Variants in NRG3 observed in about 807,000 individuals in gnomAD.
NRG3 encodes pro-neuregulin-3, membrane-bound isoform.
In NRG3, 31 loss-of-function variants were observed where a neutral mutation model predicts 66.9. The observed-to-expected ratio is 0.46, with a 90% CI of 0.35 to 0.63. The LOEUF is 0.63. Ranked by LOEUF, NRG3 falls within the 20% of genes least tolerant of loss-of-function variation. The probability of loss-of-function intolerance (pLI) is 0.00; values close to 1 mark genes in which losing one functional copy is unlikely to be tolerated. For synonymous variants in NRG3, 393 were observed against 359.4 expected (o/e 1.09, Z -1.06); for missense variants, 910 against 878.9 (o/e 1.04, Z -0.45).
At chr10:82,822,546 A>C (rs2061998215) in intron 3 of NRG3, among the ~76,000 whole-genome samples, 1 of 152,158 alleles carries the variant, frequency 6.6e-6, no homozygotes, top group South Asian at 2.1e-4. Context: ...AGGTGATTGC[A>C]GGTGTGATTT....
chr10:82,675,485 A>C lies in NRG3; in HGVS notation c.954-63092A>C, dbSNP rs539729807. Among the ~76,000 whole-genome samples the C allele has an allele frequency of 3.3e-5, 5 of 152,328 alleles. No individual in the cohort carries two copies. The South Asian group carries it at 1.0e-3, about 32-fold the overall frequency. On this transcript the variant is annotated intron_variant, in intron 2 of 8. Transcript: ENST00000372141. ...TTTCAAAAGGCCAATCTTAGGTTCAATAATAGTGATGCTGTCCACAGGGGT... is the reference window on the plus strand; with the variant it reads ...TTTCAAAAGGCCAATCTTAGGTTCACTAATAGTGATGCTGTCCACAGGGGT...
chr10:82,841,801 A>T (rs993087464), intron 3 of NRG3, among the ~76,000 whole-genome samples: 3 of 152,214 alleles, frequency 2.0e-5, no homozygotes, highest in Admixed American at 1.3e-4. Flanking sequence ...AGTGAAGTTG[A>T]CATATAAAGG....
At chr10:82,506,507 C>A (rs1844696243) in intron 2 of NRG3, among the ~76,000 whole-genome samples, 1 of 151,960 alleles carries the variant, frequency 6.6e-6, no homozygotes, top group African/African-American at 2.4e-5. Flanking sequence ...TTTCCTCTAT[C>A]TGCTTGGAAT....
chr10:82,593,082 T>C (rs2047075629), intron 2 of NRG3, among the ~76,000 whole-genome samples: 1 of 152,236 alleles, frequency 6.6e-6, no homozygotes, highest in Admixed American at 6.5e-5. Flanking sequence ...TTATTTGAAT[T>C]CTGCTACCAG....
chr10:82,113,336 C>T lies in NRG3; in HGVS notation c.823+237173C>T, dbSNP rs538960411. The stretch of plus-strand genomic sequence containing the variant: ...TGATGCCAGCCGTTGTCCTATGGTC[C>T]CAGAGCCCCCGCTCCTGATCACTAT... On this transcript the variant is annotated intron_variant, in intron 1 of 8. Transcript: ENST00000372141. Among the ~76,000 whole-genome samples, 6 of 152,198 alleles carry T rather than the reference C, an allele frequency of 3.9e-5. No homozygotes were observed. In the South Asian group the frequency reaches 1.2e-3, roughly 32 times the overall value.
At chr10:82,655,556 C>G (rs985919984) in intron 2 of NRG3, among the ~76,000 whole-genome samples, 5 of 152,136 alleles carry the variant, frequency 3.3e-5, no homozygotes, top group African/African-American at 1.2e-4. Context: ...CTCCTCTACT[C>G]TGGGAAAGGG....
chr10:82,605,548 T>C (rs2047917753), intron 2 of NRG3, among the ~76,000 whole-genome samples: 1 of 152,066 alleles, frequency 6.6e-6, no homozygotes, highest in South Asian at 2.1e-4. Context: ...TTTCATAATG[T>C]CTTTATTGTG....
At chr10:82,630,541 G>C (rs897599175) in intron 2 of NRG3, among the ~76,000 whole-genome samples, 1 of 151,950 alleles carries the variant, frequency 6.6e-6, no homozygotes, top group Admixed American at 6.6e-5. Context: ...GCCCGGACGT[G>C]GTGGTGGGCA....
chr10:82,237,010 C>T (rs754986034), intron 1 of NRG3, among the ~76,000 whole-genome samples: 5 of 152,010 alleles, frequency 3.3e-5, no homozygotes, highest in Admixed American at 6.6e-5. Context: ...CCAGCGCACC[C>T]GGCCTAAAAA....
At chr10:82,178,721 G>T (rs558056824) in intron 1 of NRG3, among the ~76,000 whole-genome samples, 1 of 152,150 alleles carries the variant, frequency 6.6e-6, no homozygotes. Flanking sequence ...TTTCAGTTAT[G>T]TTAGATAAAT....
At chr10:82,620,311 T>C (rs2048957220) in intron 2 of NRG3, among the ~76,000 whole-genome samples, 1 of 152,144 alleles carries the variant, frequency 6.6e-6, no homozygotes, top group Non-Finnish European at 1.5e-5. Flanking sequence ...TGAGCTCTTG[T>C]CCAGCGTCCA....
chr10:82,548,526 C>G (rs1437769490), intron 2 of NRG3, among the ~76,000 whole-genome samples: 1 of 40,102 alleles, frequency 2.5e-5, no homozygotes, highest in Non-Finnish European at 4.2e-5. Context: ...CTGTCTCTCA[C>G]ACACACACAC....
At chr10:81,903,928 C>T (rs1291103798) in intron 1 of NRG3, among the ~76,000 whole-genome samples, 3 of 151,358 alleles carry the variant, frequency 2.0e-5, no homozygotes, top group Admixed American at 2.0e-4. Context: ...GTCACATGCT[C>T]AACATGGTAA....
intron 2 of NRG3, among the ~76,000 whole-genome samples, chr10:82,500,800 T>C (rs1052880453): frequency 6.6e-6 from 1 of 152,078 alleles, no homozygotes; most frequent in Non-Finnish European, 1.5e-5. Flanking sequence ...AGTTGAAAAA[T>C]GATGTTATGT....
At chr10:82,894,836 G>A (rs531942174) in intron 4 of NRG3, among the ~76,000 whole-genome samples, 60 of 152,122 alleles carry the variant, frequency 3.9e-4, no homozygotes, top group African/African-American at 1.3e-3. Context: ...CCATCAACCC[G>A]TCATCTAGGT....
intron 7 of NRG3, among the ~76,000 whole-genome samples, chr10:82,975,420 C>T (rs1592142566): frequency 1.3e-5 from 2 of 152,120 alleles, no homozygotes; most frequent in East Asian, 3.8e-4. Context: ...ATTCCTATCC[C>T]CAGTTCTCGT....
At chr10:82,834,480 G>T (rs573543624) in intron 3 of NRG3, among the ~76,000 whole-genome samples, 1 of 152,216 alleles carries the variant, frequency 6.6e-6, no homozygotes, top group African/African-American at 2.4e-5. Flanking sequence ...GAGTAACAGC[G>T]AATTGCAAAT....
At chr10:82,824,666 T>A (rs1050241872) in intron 3 of NRG3, among the ~76,000 whole-genome samples, 1 of 151,990 alleles carries the variant, frequency 6.6e-6, no homozygotes, top group African/African-American at 2.4e-5. Context: ...GTTTGTATAT[T>A]TTTTTTGAGA....
intron 1 of NRG3, among the ~76,000 whole-genome samples, chr10:82,278,433 C>T (rs2078964324): frequency 6.6e-6 from 1 of 152,018 alleles, no homozygotes; most frequent in African/African-American, 2.4e-5. Flanking sequence ...TTAGTGATAC[C>T]TGGTAGCTGA....
Sources: allele counts gnomAD v4.1 joint callset (sites outside exome capture counted in the v4.1 genomes callset), GRCh38; gene constraint gnomAD v4.1.1; transcripts MANE v1.5; gene names NCBI Gene and HGNC (gene_info 2026-07-23, HGNC 2026-07-21).